Variants in ABHD4 observed in about 807,000 individuals in gnomAD.
ABHD4 encodes (Lyso)-N-acylphosphatidylethanolamine lipase.
ABHD4 carries 35 observed loss-of-function variants against 42.3 expected under a neutral mutation model. The observed-to-expected ratio is 0.83, with a 90% CI of 0.63 to 1.10. ABHD4 has a LOEUF of 1.10. ABHD4 is among the 50% of genes least tolerant of loss of function. ABHD4 has a pLI of 0.00. For synonymous variants in ABHD4, 169 were observed against 170.6 expected, an observed-to-expected ratio of 0.99 and a Z score of 0.07; for missense variants, 389 against 454.8, an observed-to-expected ratio of 0.86 and a Z score of 1.32.
chr14:22,610,588 G>T (rs2037403181), intron 6 of ABHD4, among the ~76,000 whole-genome samples: 1 of 152,172 alleles, frequency 6.6e-6, no homozygotes, highest in African/African-American at 2.4e-5. Context: ...ATGGGCCCAG[G>T]TTTACTGGAC....
At position 22,604,261 on chromosome 14, in the gene ABHD4, G is replaced by GT. The variant is rs1056214554; in HGVS notation, c.640+189dup. On this transcript the variant is annotated intron_variant, in intron 4 of 6. Coordinates refer to ENST00000428304, the MANE Select transcript of ABHD4 (RefSeq NM_022060.3). Reference sequence around the variant, plus strand: ...GTTTTTTGTTTTTTTGTTTTGTTTTGTTTTTTTGAGACAAAGTCTCGCTCT... The same window carrying GT: ...GTTTTTTGTTTTTTTGTTTTGTTTTGTTTTTTTTGAGACAAAGTCTCGCTCT... The GT allele has an allele frequency of 2.4e-4, 179 of 731,442 alleles. 1 individual carries two copies. In the African/African-American group the frequency reaches 2.9e-3, roughly 12 times the overall value. The allele number at this position is 731,442 out of a possible 1,614,324, so 45.3% of individuals were successfully genotyped here. A position where few individuals can be genotyped will look rare whatever the true frequency, so the allele number is the denominator to read the frequency against.
rs746596803 is a variant in ABHD4 at position 22,603,759 on chromosome 14, A to C, written c.482A>C (p.Asp161Ala). Residue 161 changes from aspartate to alanine, a missense_variant, in exon 3 of 7, where the codon GAT becomes GCT. Asp to Ala is a moderately radical substitution (Grantham distance 126). Around this residue, in one of 3 missense-constraint regions of ABHD4, gnomAD observed 249 missense variants for 254.4 expected, o/e 0.98. Coordinates refer to ENST00000428304, the MANE Select transcript of ABHD4 (RefSeq NM_022060.3). ...ACTTCTTACTCAATCAAGTACCCTGATAGGTAATAAGGAGATGGCTCCATC... is the reference window on the plus strand; with the variant it reads ...ACTTCTTACTCAATCAAGTACCCTGCTAGGTAATAAGGAGATGGCTCCATC... ...LATSYSIKYP[D>A]RVKHLILVDP... is the part of the protein sequence containing the mutation. 2 of 1,575,830 alleles carry C rather than the reference A, an allele frequency of 1.3e-6. No homozygotes were observed. The highest frequency in any genetic ancestry group is 2.4e-5 in the South Asian group (2 of 83,786).
intron 4 of ABHD4, chr14:22,605,689 A>G (rs1330094191): frequency 1.9e-6 from 1 of 537,130 alleles, no homozygotes; most frequent in Non-Finnish European, 3.2e-6. Flanking sequence ...GCCAGCAGCC[A>G]TGAGGGACTA....
Position 22,603,417 on chromosome 14 carries a change from A to G in ABHD4, c.140A>G (p.Tyr47Cys), listed in dbSNP as rs1423034246. 6.2e-7 allele frequency: 1 copy of G among 1,613,992 alleles called. No individual in the cohort carries two copies. The highest frequency in any genetic ancestry group is 1.7e-5 in the Admixed American group (1 of 60,012). Residue 47 changes from tyrosine to cysteine, a missense_variant, in exon 3 of 7, where the codon TAT becomes TGT. Physicochemically the swap from Tyr to Cys is radical, Grantham distance 194. Around this residue, in one of 3 missense-constraint regions of ABHD4, gnomAD observed 102 missense variants for 128.3 expected, o/e 0.80. Transcript: ENST00000428304. ...QCLQNKFLAR[Y>C]VSLPNQNKIW... is the part of the protein sequence containing the mutation. ...CTCCAGAATAAGTTCCTGGCCAGAT[A>G]TGTATCCCTCCCAAACCAGAATAAG...
intron 4 of ABHD4, 59 bp from the exon 5 acceptor site, chr14:22,606,363 G>T: frequency 9.0e-7 from 1 of 1,109,294 alleles, no homozygotes. Flanking sequence ...ACACAGGCAG[G>T]AGTCTTCCCT....
chr14:22,604,048 A>T lies in ABHD4; in HGVS notation c.609A>T (p.Pro203=). 6.2e-7 allele frequency: 1 copy of T among 1,614,062 alleles called. No individual in the cohort carries two copies. Among genetic ancestry groups the T allele is most frequent in the Non-Finnish European group, 8.5e-7 (1 of 1,180,004 alleles). Residue 203 remains proline, a synonymous_variant, in exon 4 of 7, where the codon CCA becomes CCT. Transcript: ENST00000428304. ...CATCTGTCCTAGGACGTTCCAATCCATTGGCTGTTCTTCGAGTAGCTGGGC... is the reference window on the plus strand; with the variant it reads ...CATCTGTCCTAGGACGTTCCAATCCTTTGGCTGTTCTTCGAGTAGCTGGGC... ...AVASVLGRSN[P]LAVLRVAGPW...
chr14:22,609,884 C>T lies in ABHD4; in HGVS notation c.913C>T (p.Arg305Trp), dbSNP rs141291720. The T allele has an allele frequency of 1.2e-6, 2 of 1,613,948 alleles. No homozygotes were observed. Among genetic ancestry groups the T allele is most frequent in the South Asian group, 1.1e-5 (1 of 91,068 alleles). The change falls in exon 6 of 7, where the codon CGG becomes TGG. Residue 305 changes from arginine to tryptophan, a missense_variant. By Grantham distance (101) the Arg-to-Trp change is moderately radical. Around this residue, in one of 3 missense-constraint regions of ABHD4, gnomAD observed 249 missense variants for 254.4 expected, o/e 0.98. Coordinates refer to ENST00000428304, the MANE Select transcript of ABHD4 (RefSeq NM_022060.3). Reference sequence around the variant, plus strand: ...TACGGGAAAAAAGGTGAAGATGCAGCGGCCGGATTCCTATGTCCGAGACAT... The same window carrying T: ...TACGGGAAAAAAGGTGAAGATGCAGTGGCCGGATTCCTATGTCCGAGACAT... ...TSTGKKVKMQ[R>W]PDSYVRDMEI... is the part of the protein sequence containing the mutation.
intron 6 of ABHD4, 87 bp from the exon 7 acceptor site, chr14:22,610,772 A>C (rs1234119674): frequency 1.9e-6 from 2 of 1,058,576 alleles, no homozygotes; most frequent in Non-Finnish European, 2.9e-6. Context: ...GCAGGCAAGC[A>C]AGTCTAAGGG....
intron 4 of ABHD4, among the ~76,000 whole-genome samples, chr14:22,604,411 C>A (rs539537135): frequency 6.6e-6 from 1 of 151,974 alleles, no homozygotes; most frequent in East Asian, 1.9e-4. Flanking sequence ...CCACCATGCC[C>A]GGCTAATTTT....
rs190932834 is a variant in ABHD4, at chr14:22,604,247, T to C, written c.640+168T>C. The C allele has an allele frequency of 1.9e-3, 1,358 of 709,662 alleles. 12 individuals are homozygous for C. In the African/African-American group the frequency reaches 0.022, roughly 12 times the overall value. 44.0% of individuals were successfully genotyped at this position (709,662 alleles called of 1,614,324 possible). A position where few individuals can be genotyped will look rare whatever the true frequency, so the allele number is the denominator to read the frequency against. ...CAAGGTTTGAGAAGGTTTTTTGTTTTTTTGTTTTGTTTTGTTTTTTTGAGA... is the reference window on the plus strand; with the variant it reads ...CAAGGTTTGAGAAGGTTTTTTGTTTCTTTGTTTTGTTTTGTTTTTTTGAGA... On this transcript the variant is annotated intron_variant, in intron 4 of 6. Transcript: ENST00000428304.
In ABHD4 at chr14:22,609,762, G is replaced by T. The variant is rs1449425264; in HGVS notation, c.791G>T (p.Gly264Val). 2 of 1,613,980 alleles carry T rather than the reference G, an allele frequency of 1.2e-6. No homozygotes were observed. Among genetic ancestry groups the T allele is most frequent in the Admixed American group, 1.7e-5 (1 of 59,998 alleles). Residue 264 changes from glycine (G) to valine (V), a missense_variant, in exon 6 of 7, where the codon GGC becomes GTC. Around this residue, in one of 3 missense-constraint regions of ABHD4, gnomAD observed 249 missense variants for 254.4 expected, o/e 0.98. Transcript: ENST00000428304. ...TAFKAMMESF[G>V]WARRPMLERI... ...TTCAAAGCCATGATGGAGTCCTTTGGCTGGGCCCGGCGCCCTATGCTGGAG... is the reference window on the plus strand; with the variant it reads ...TTCAAAGCCATGATGGAGTCCTTTGTCTGGGCCCGGCGCCCTATGCTGGAG...
intron 2 of ABHD4, among the ~76,000 whole-genome samples, chr14:22,602,604 G>T (rs2037298514): frequency 6.6e-6 from 1 of 152,126 alleles, no homozygotes; most frequent in Non-Finnish European, 1.5e-5. Context: ...CATCCATCAA[G>T]CCCCAAGCAC....
At chr14:22,606,561 G>A (rs375419756) in intron 5 of ABHD4, 28 bp downstream of exon 5, 85 of 1,512,806 alleles carry the variant, frequency 5.6e-5, no homozygotes, top group Middle Eastern at 3.4e-4. Flanking sequence ...GGCCAGCTTG[G>A]GGCAGACAGT....
At chr14:22,603,017 G>A (rs995856340) in intron 2 of ABHD4, among the ~76,000 whole-genome samples, 1 of 152,122 alleles carries the variant, frequency 6.6e-6, no homozygotes, top group African/African-American at 2.4e-5. Flanking sequence ...CAGTTTAACA[G>A]GATCATTGCT....
At chr14:22,608,771 G>C (rs1019928224) in intron 5 of ABHD4, among the ~76,000 whole-genome samples, 25 of 147,928 alleles carry the variant, frequency 1.7e-4, no homozygotes, top group Non-Finnish European at 3.7e-4. Context: ...GCACGATCTC[G>C]GCTCACTGCA....
At chr14:22,609,941 A>G (rs753884868) in intron 6 of ABHD4, 31 bp downstream of exon 6, 40 of 1,606,264 alleles carry the variant, frequency 2.5e-5, no homozygotes, top group Non-Finnish European at 3.4e-5. Context: ...AGTGGAAATG[A>G]TGACTGAGAG....
At chr14:22,607,069 A>G (rs1278926822) in intron 5 of ABHD4, among the ~76,000 whole-genome samples, 1 of 152,230 alleles carries the variant, frequency 6.6e-6, no homozygotes, top group African/African-American at 2.4e-5. Context: ...TCTGTTGAAC[A>G]CATTACTACC....
At position 22,611,520 on chromosome 14, in the gene ABHD4, C is replaced by T. The variant is rs144661026; in HGVS notation, c.*572C>T. On this transcript the variant is annotated 3_prime_UTR_variant, in exon 7 of 7. Transcript: ENST00000428304. ...AAGCCCTCATTGACAGAGGAGGAAA[C>T]AGGCCAAGGCAGGACATGGCTGGAC... The T allele has an allele frequency of 1.3e-3, 197 of 155,258 alleles. 1 individual carries two copies. The highest frequency in any genetic ancestry group is 9.9e-3 in the Middle Eastern group (3 of 304). 9.6% of individuals were successfully genotyped at this position (155,258 alleles called of 1,614,324 possible). A position where few individuals can be genotyped will look rare whatever the true frequency, so the allele number is the denominator to read the frequency against.
Position 22,603,943 on chromosome 14 carries a change from G to C in ABHD4, c.504G>C (p.Leu168=), listed in dbSNP as rs2037317467. The change falls in exon 4 of 7, where the codon CTG becomes CTC. Residue 168 remains leucine, a synonymous_variant. Coordinates refer to ENST00000428304, the MANE Select transcript of ABHD4 (RefSeq NM_022060.3). ...AACATAGAGTTAAACACCTCATCCT[G>C]GTGGACCCATGGGGCTTTCCCCTCC... The part of the protein sequence containing the change: ...KYPDRVKHLI[L]VDPWGFPLRP... 1 of 1,614,184 alleles carries C rather than the reference G, an allele frequency of 6.2e-7. No homozygotes were observed. Among genetic ancestry groups the C allele is most frequent in the South Asian group, 1.1e-5 (1 of 91,082 alleles).
Sources: allele counts gnomAD v4.1 joint callset (sites outside exome capture counted in the v4.1 genomes callset), GRCh38; gene constraint gnomAD v4.1.1; regional missense constraint gnomAD v4.1.1; transcripts MANE v1.5; gene names NCBI Gene and HGNC (gene_info 2026-07-23, HGNC 2026-07-21).